BACE2: variants seen among roughly 807,000 people sequenced by gnomAD.
BACE2 encodes the protein beta-secretase 2, also known as 56 kDa aspartic-like protease.
In BACE2, 17 loss-of-function variants were observed where a neutral mutation model predicts 46.2. That is an observed-to-expected ratio of 0.37 (90% CI 0.25 to 0.55). The LOEUF (loss-of-function observed/expected upper bound fraction) is 0.55, where lower values mean the gene tolerates loss of function less well. BACE2 is among the 20% of genes least tolerant of loss of function. The probability of loss-of-function intolerance (pLI) is 0.82; values close to 1 mark genes in which losing one functional copy is unlikely to be tolerated. For synonymous variants in BACE2, 277 were observed against 295.9 expected, an observed-to-expected ratio of 0.94 and a Z score of 0.66; for missense variants, 595 against 698.1, an observed-to-expected ratio of 0.85 and a Z score of 1.66.
chr21:41,207,594 T>C (rs1888518), intron 1 of BACE2, among the ~76,000 whole-genome samples: 75,224 of 151,984 alleles, frequency 0.49, 22,401 homozygotes, highest in African/African-American at 0.83. Flanking sequence ...GAGAAAGCAC[T>C]CCTTGTTCTC....
intron 8 of BACE2, among the ~76,000 whole-genome samples, chr21:41,262,427 T>C (rs930370695): frequency 1.3e-5 from 2 of 152,158 alleles, no homozygotes; most frequent in Non-Finnish European, 2.9e-5. Flanking sequence ...GGCTAAGCTA[T>C]ATAGTTTTAT....
In BACE2 at chr21:41,277,045, C is replaced by T. The variant is rs560558392; in HGVS notation, c.*1421C>T. The T allele has an allele frequency of 6.6e-6, 1 of 150,478 alleles. No individual in the cohort carries two copies. Among genetic ancestry groups the T allele is most frequent in the South Asian group, 2.1e-4 (1 of 4,690 alleles). 9.3% of individuals were successfully genotyped at this position (150,478 alleles called of 1,614,324 possible). A position where few individuals can be genotyped will look rare whatever the true frequency, so the allele number is the denominator to read the frequency against. ...AGAGTTAAAAGACAGTATCCCCTCT[C>T]TCCTGCTTGTGTGCCAAGTTCAGTG... On this transcript the variant is annotated 3_prime_UTR_variant, in exon 9 of 9. Transcript: ENST00000330333.
chr21:41,264,953 C>T (rs1358733618), intron 8 of BACE2, among the ~76,000 whole-genome samples: 2 of 152,160 alleles, frequency 1.3e-5, no homozygotes, highest in Admixed American at 1.3e-4. Flanking sequence ...CACTGCACTC[C>T]AGCCTGGGAG....
chr21:41,231,222 A>G (rs975984264), intron 2 of BACE2, among the ~76,000 whole-genome samples: 3 of 152,194 alleles, frequency 2.0e-5, no homozygotes, highest in African/African-American at 7.2e-5. Context: ...GGAGCCTGTG[A>G]GCATTTAACG....
At chr21:41,263,755 A>C (rs1987998419) in intron 8 of BACE2, among the ~76,000 whole-genome samples, 2 of 152,126 alleles carry the variant, frequency 1.3e-5, no homozygotes, top group South Asian at 2.1e-4. Flanking sequence ...TACCGGTAAG[A>C]CTGCTTTTAT....
intron 1 of BACE2, among the ~76,000 whole-genome samples, chr21:41,196,271 C>A (rs1985728544): frequency 6.6e-6 from 1 of 151,314 alleles, no homozygotes; most frequent in South Asian, 2.1e-4. Flanking sequence ...GCACTCCAGC[C>A]TGGGTGACAG....
rs1487547255 is a variant in BACE2 at position 41,281,614 on chromosome 21, C to T, written c.*5990C>T. 2 of 152,094 alleles carry T rather than the reference C, an allele frequency of 1.3e-5. No homozygotes were observed. The highest frequency in any genetic ancestry group is 2.9e-5 in the Non-Finnish European group (2 of 68,026). 9.4% of individuals were successfully genotyped at this position (152,094 alleles called of 1,614,324 possible). On this transcript the variant is annotated 3_prime_UTR_variant, in exon 9 of 9. Coordinates refer to ENST00000330333, the MANE Select transcript of BACE2 (RefSeq NM_012105.5). ...CTATTAAAGTAAAATTTTACACAAGCCTCGCATTTCTAAGATTAGTGTTCC... is the reference window on the plus strand; with the variant it reads ...CTATTAAAGTAAAATTTTACACAAGTCTCGCATTTCTAAGATTAGTGTTCC...
chr21:41,275,224 ACT>A (rs2088472703), intron 8 of BACE2, 145 bp from the exon 9 acceptor site: 3 of 1,092,384 alleles, frequency 2.7e-6, no homozygotes, highest in Non-Finnish European at 4.0e-6. Context: ...CCGTGACCCC[ACT>A]CAGTGCTTCC....
intron 1 of BACE2, 28 bp from the exon 2 acceptor site, chr21:41,226,237 AT>A (rs753326379): frequency 1.1e-3 from 1,579 of 1,381,596 alleles, no homozygotes; most frequent in Admixed American, 1.8e-3. Flanking sequence ...GATGCTTTCT[AT>A]TTTTTTTTTC....
At chr21:41,251,427 A>G (rs1987636033) in intron 7 of BACE2, among the ~76,000 whole-genome samples, 1 of 152,224 alleles carries the variant, frequency 6.6e-6, no homozygotes, top group South Asian at 2.1e-4. Flanking sequence ...GGGTGTGGCT[A>G]CAAGGAAAAG....
chr21:41,201,592 G>A (rs1283181192), intron 1 of BACE2, among the ~76,000 whole-genome samples: 2 of 152,218 alleles, frequency 1.3e-5, no homozygotes, highest in African/African-American at 4.8e-5. Flanking sequence ...GCTCCTCAGG[G>A]GAGAGAAGGT....
At position 41,241,982 on chromosome 21, in the gene BACE2, CA is replaced by C. The variant is rs750514965; in HGVS notation, c.747+36del. 31 of 1,610,358 alleles carry C rather than the reference CA, an allele frequency of 1.9e-5. No individual in the cohort carries two copies. In the South Asian group the frequency reaches 3.0e-4, roughly 16 times the overall value. ...TTTTAGTCTTAAAGGGGCGAAAAAT[CA>C]CAGATGGATGGGCTGTTTTTTTCTG... On this transcript the variant is annotated intron_variant, in intron 4 of 8. Transcript: ENST00000330333.
chr21:41,252,814 C>G (rs1250205119), intron 7 of BACE2, among the ~76,000 whole-genome samples: 1 of 152,180 alleles, frequency 6.6e-6, no homozygotes, highest in Non-Finnish European at 1.5e-5. Context: ...GTACTACTGC[C>G]TTTTCCCATT....
chr21:41,272,187 C>T (rs943857421), intron 8 of BACE2, among the ~76,000 whole-genome samples: 6 of 151,878 alleles, frequency 4.0e-5, no homozygotes, highest in Non-Finnish European at 8.8e-5. Flanking sequence ...CATCTGTAAT[C>T]CTTATTATTA....
intron 3 of BACE2, among the ~76,000 whole-genome samples, chr21:41,238,470 G>A (rs763425275): frequency 3.5e-4 from 53 of 152,324 alleles, no homozygotes; most frequent in Admixed American, 1.0e-3. Context: ...GACGCTAGGG[G>A]TGTGTGCAGG....
chr21:41,271,297 A>C (rs2088431693), intron 8 of BACE2, among the ~76,000 whole-genome samples: 1 of 152,186 alleles, frequency 6.6e-6, no homozygotes, highest in Admixed American at 6.5e-5. Flanking sequence ...ATCCACAAAC[A>C]ACAGTCTATA....
At chr21:41,231,843 G>C (rs575608359) in intron 2 of BACE2, among the ~76,000 whole-genome samples, 2 of 152,244 alleles carry the variant, frequency 1.3e-5, no homozygotes, top group East Asian at 3.9e-4. Flanking sequence ...AAGCATTTTA[G>C]TCGCAAGAGG....
At chr21:41,232,493 C>T (rs1423396902) in intron 2 of BACE2, among the ~76,000 whole-genome samples, 1 of 152,142 alleles carries the variant, frequency 6.6e-6, no homozygotes, top group Non-Finnish European at 1.5e-5. Flanking sequence ...AATGTGATTC[C>T]CAGTGTTGGA....
At chr21:41,171,204 C>T (rs955645769) in intron 1 of BACE2, among the ~76,000 whole-genome samples, 1 of 152,264 alleles carries the variant, frequency 6.6e-6, no homozygotes, top group African/African-American at 2.4e-5. Context: ...TCCGGAACTC[C>T]GTGCTGTTCC....
Sources: allele counts gnomAD v4.1 joint callset (sites outside exome capture counted in the v4.1 genomes callset), GRCh38; gene constraint gnomAD v4.1.1; transcripts MANE v1.5; gene names NCBI Gene and HGNC (gene_info 2026-07-23, HGNC 2026-07-21).